The following RARB variants were observed in gnomAD, a reference collection of about 807,000 sequenced individuals.
RARB encodes retinoic acid receptor beta.
A neutral mutation model predicts 51.9 loss-of-function variants in RARB; 17 were observed. The observed-to-expected ratio is 0.33, with a 90% CI of 0.22 to 0.49. RARB has a LOEUF of 0.49. RARB is among the 20% of genes least tolerant of loss of function. The probability of loss-of-function intolerance (pLI) is 0.99; values close to 1 mark genes in which losing one functional copy is unlikely to be tolerated. For synonymous variants in RARB, 215 were observed against 195.4 expected (o/e 1.10, Z -0.84); for missense variants, 369 against 550.8 (o/e 0.67, Z 3.30).
At chr3:25,574,226 T>G (rs1178496467) in intron 4 of RARB, among the ~76,000 whole-genome samples, 2 of 152,152 alleles carry the variant, frequency 1.3e-5, no homozygotes, top group Non-Finnish European at 2.9e-5. Context: ...AAATTCAAGC[T>G]CAACTCTTAT....
At position 25,396,031 on chromosome 3, in the gene RARB, T is replaced by C. The variant is rs540728535; in HGVS notation, c.179-65162T>C. Among the ~76,000 whole-genome samples, 4 of 152,296 alleles carry C rather than the reference T, an allele frequency of 2.6e-5. No individual in the cohort carries two copies. The East Asian group carries it at 7.7e-4, about 29-fold the overall frequency. Reference sequence around the variant, plus strand: ...TGGGACTCAAGGGCTGCTATTCAGATTATTTTGTCCCACAGGGTGATCCCT... The same window carrying C: ...TGGGACTCAAGGGCTGCTATTCAGACTATTTTGTCCCACAGGGTGATCCCT... On this transcript the variant is annotated intron_variant, in intron 5 of 11. Coordinates refer to the RARB transcript ENST00000383772.
intron 5 of RARB, among the ~76,000 whole-genome samples, chr3:25,208,093 G>A (rs1701599338): frequency 6.6e-6 from 1 of 152,110 alleles, no homozygotes; most frequent in Admixed American, 6.5e-5. Context: ...ACTCATTATT[G>A]CAAGGACAGT....
At chr3:25,522,403 C>G (rs1698441303) in intron 3 of RARB, among the ~76,000 whole-genome samples, 1 of 152,146 alleles carries the variant, frequency 6.6e-6, no homozygotes, top group Non-Finnish European at 1.5e-5. Flanking sequence ...CCATCACCCT[C>G]CTCTGTATAC....
chr3:25,517,175 CA>C (rs1043417241), intron 3 of RARB, among the ~76,000 whole-genome samples: 23 of 152,064 alleles, frequency 1.5e-4, no homozygotes, highest in African/African-American at 5.6e-4. Context: ...GTTATCTCTG[CA>C]AGAGCAAATA....
chr3:25,111,861 C>T (rs1034687362), intron 3 of RARB, among the ~76,000 whole-genome samples: 2 of 152,184 alleles, frequency 1.3e-5, no homozygotes, highest in African/African-American at 4.8e-5. Context: ...CAAGTGTGAG[C>T]CATCGGGCCC....
At chr3:25,001,852 A>T (rs77016643) in intron 2 of RARB, among the ~76,000 whole-genome samples, 1 of 152,084 alleles carries the variant, frequency 6.6e-6, no homozygotes, top group Non-Finnish European at 1.5e-5. Context: ...TCCATACATC[A>T]TCTAAACCTC....
At chr3:25,259,809 T>A in intron 5 of RARB, 1 of 669,432 alleles carries the variant, frequency 1.5e-6, no homozygotes. Context: ...CAAAGTCATC[T>A]TCTTCCTCAG....
At chr3:24,853,851 A>T (rs1224569361) in intron 1 of RARB, among the ~76,000 whole-genome samples, 2 of 152,186 alleles carry the variant, frequency 1.3e-5, no homozygotes, top group Non-Finnish European at 1.5e-5. Context: ...ATGTAAGGAG[A>T]GGTAATTGGC....
chr3:24,972,518 C>T (rs563968739), intron 2 of RARB, among the ~76,000 whole-genome samples: 1 of 151,934 alleles, frequency 6.6e-6, no homozygotes, highest in African/African-American at 2.4e-5. Flanking sequence ...AGTGGAATTG[C>T]TAGTTCATGT....
intron 2 of RARB, among the ~76,000 whole-genome samples, chr3:24,920,524 G>A (rs1695196083): frequency 6.6e-6 from 1 of 152,106 alleles, no homozygotes; most frequent in East Asian, 1.9e-4. Context: ...GTTAAAATTG[G>A]GAATTTAAAT....
chr3:25,285,058 T>A (rs1449949808), intron 5 of RARB, among the ~76,000 whole-genome samples: 1 of 152,242 alleles, frequency 6.6e-6, no homozygotes, highest in African/African-American at 2.4e-5. Flanking sequence ...CTTTTGCATT[T>A]CCAGGTACTG....
chr3:25,123,728 C>T (rs940303501), intron 3 of RARB, among the ~76,000 whole-genome samples: 4 of 152,172 alleles, frequency 2.6e-5, no homozygotes, highest in African/African-American at 9.7e-5. Flanking sequence ...TATTTTGCTG[C>T]CTATTTTTAC....
intron 3 of RARB, among the ~76,000 whole-genome samples, chr3:25,546,213 T>C (rs906575393): frequency 1.3e-5 from 2 of 152,026 alleles, no homozygotes; most frequent in African/African-American, 4.8e-5. Flanking sequence ...CAGGAAGAGA[T>C]CCTGTTCACA....
intron 3 of RARB, among the ~76,000 whole-genome samples, chr3:25,096,353 A>G (rs978039700): frequency 1.3e-5 from 2 of 152,156 alleles, no homozygotes; most frequent in African/African-American, 4.8e-5. Context: ...GAAGATAAGC[A>G]TTTATGTAAG....
At chr3:25,392,598 T>A (rs1178031657) in intron 5 of RARB, among the ~76,000 whole-genome samples, 1 of 152,138 alleles carries the variant, frequency 6.6e-6, no homozygotes. Context: ...CTTGTAGAGG[T>A]CTTCCACATC....
intron 3 of RARB, among the ~76,000 whole-genome samples, chr3:25,108,809 T>C (rs1367839045): frequency 6.6e-6 from 1 of 152,242 alleles, no homozygotes; most frequent in African/African-American, 2.4e-5. Context: ...ATAATTAAGC[T>C]AATTTTTTTC....
intron 2 of RARB, among the ~76,000 whole-genome samples, chr3:25,006,128 A>T (rs1358024688): frequency 3.3e-5 from 5 of 152,082 alleles, no homozygotes; most frequent in Admixed American, 3.3e-4. Flanking sequence ...TATCAGAAAG[A>T]CCTTTCCTGA....
chr3:25,261,727 G>C (rs1337813270), intron 5 of RARB, among the ~76,000 whole-genome samples: 1 of 152,044 alleles, frequency 6.6e-6, no homozygotes, highest in Non-Finnish European at 1.5e-5. Flanking sequence ...TCTCACTCGA[G>C]GGCACCTTCA....
At chr3:24,950,722 A>AT (rs1236327326) in intron 2 of RARB, among the ~76,000 whole-genome samples, 5 of 125,806 alleles carry the variant, frequency 4.0e-5, no homozygotes, top group African/African-American at 7.7e-5. Flanking sequence ...GGAAAAAAAA[A>AT]AAAAAGGTGA....
Sources: allele counts gnomAD v4.1 joint callset (sites outside exome capture counted in the v4.1 genomes callset), GRCh38; gene constraint gnomAD v4.1.1; transcripts MANE v1.5; gene names NCBI Gene and HGNC (gene_info 2026-07-23, HGNC 2026-07-21).